The following UBE2R2 variants were observed in gnomAD, a reference collection of about 807,000 sequenced individuals.
UBE2R2 encodes the protein ubiquitin conjugating enzyme E2 R2, also known as ubiquitin-conjugating enzyme E2 R2.
A neutral mutation model predicts 27.8 loss-of-function variants in UBE2R2; 1 was observed. That is an observed-to-expected ratio of 0.04 (90% CI 0.01 to 0.17). UBE2R2 has a LOEUF of 0.17. UBE2R2 is among the 10% of genes least tolerant of loss of function. The pLI, the probability that UBE2R2 is intolerant of heterozygous loss-of-function variation, is 1.00. For synonymous variants in UBE2R2, 106 were observed against 113.3 expected, an observed-to-expected ratio of 0.94 and a Z score of 0.41; for missense variants, 100 against 291.0, an observed-to-expected ratio of 0.34 and a Z score of 4.78.
chr9:33,849,960 A>T (rs1820928864), intron 1 of UBE2R2, among the ~76,000 whole-genome samples: 1 of 152,114 alleles, frequency 6.6e-6, no homozygotes, highest in African/African-American at 2.4e-5. Context: ...GGTTTCAGTG[A>T]TTAGTTTACA....
At chr9:33,839,997 TA>T (rs58097090) in intron 1 of UBE2R2, among the ~76,000 whole-genome samples, 18,098 of 147,844 alleles carry the variant, frequency 0.12, 1,159 homozygotes, top group Non-Finnish European at 0.12. Context: ...CCCTGACTCT[TA>T]AAAAAAAAAA....
intron 1 of UBE2R2, among the ~76,000 whole-genome samples, chr9:33,822,426 C>CTT (rs11309053): frequency 1.0e-4 from 14 of 133,742 alleles, no homozygotes; most frequent in Admixed American, 2.3e-4. Context: ...TCTTCAAAAC[C>CTT]TTTTTTTTTT....
At position 33,845,958 on chromosome 9, in the gene UBE2R2, G is replaced by A. The variant is rs570318178; in HGVS notation, c.177+28024G>A. Among the ~76,000 whole-genome samples the A allele has an allele frequency of 2.1e-3, 320 of 152,078 alleles. 1 individual carries two copies. The highest frequency in any genetic ancestry group is 3.9e-3 in the African/African-American group (161 of 41,492). Reference sequence around the variant, plus strand: ...GAGATCAAGACCATGGTGAAACCCCGTCTCTACTGAAAATACAAAAAATTA... The same window carrying A: ...GAGATCAAGACCATGGTGAAACCCCATCTCTACTGAAAATACAAAAAATTA... On this transcript the variant is annotated intron_variant, in intron 1 of 4. Transcript: ENST00000263228.
At chr9:33,884,887 C>T (rs539543139) in intron 1 of UBE2R2, among the ~76,000 whole-genome samples, 2 of 152,048 alleles carry the variant, frequency 1.3e-5, no homozygotes, top group Non-Finnish European at 2.9e-5. Flanking sequence ...CTCCTCTTCC[C>T]CAGGGTTTTT....
In UBE2R2 at chr9:33,917,430, C is replaced by A. The variant is rs1035887471; in HGVS notation, c.*193C>A. ...GGACCTTTAATGGAGAGAGAGTAAC[C>A]CTCCACAGAATGTCTGAATTCTTGC... On this transcript the variant is annotated 3_prime_UTR_variant, in exon 5 of 5. Transcript: ENST00000263228. The A allele has an allele frequency of 9.5e-6, 7 of 735,566 alleles. No homozygotes were observed. The highest frequency in any genetic ancestry group is 1.3e-5 in the Non-Finnish European group (6 of 464,360). The allele number at this position is 735,566 out of a possible 1,614,324, so 45.6% of individuals were successfully genotyped here.
intron 1 of UBE2R2, among the ~76,000 whole-genome samples, chr9:33,825,315 C>T (rs903382169): frequency 1.4e-4 from 20 of 146,704 alleles, no homozygotes; most frequent in African/African-American, 4.6e-4. Flanking sequence ...AATCTTGGCT[C>T]ACTGCAGCCT....
At chr9:33,841,213 G>A (rs1220968107) in intron 1 of UBE2R2, among the ~76,000 whole-genome samples, 2 of 152,086 alleles carry the variant, frequency 1.3e-5, no homozygotes, top group East Asian at 1.9e-4. Context: ...CCGAGTAGCT[G>A]GGATTACAGG....
chr9:33,838,729 C>T (rs1156293363), intron 1 of UBE2R2, among the ~76,000 whole-genome samples: 2 of 151,954 alleles, frequency 1.3e-5, no homozygotes, highest in African/African-American at 4.8e-5. Context: ...TGTCCTTTGC[C>T]CTATTGATGG....
intron 1 of UBE2R2, among the ~76,000 whole-genome samples, chr9:33,821,136 T>C (rs1438644510): frequency 6.6e-6 from 1 of 152,228 alleles, no homozygotes; most frequent in Non-Finnish European, 1.5e-5. Context: ...ATGAAGACTT[T>C]TAACAAGTTC....
At chr9:33,880,695 A>G (rs1228672953) in intron 1 of UBE2R2, among the ~76,000 whole-genome samples, 1 of 152,028 alleles carries the variant, frequency 6.6e-6, no homozygotes, top group Non-Finnish European at 1.5e-5. Flanking sequence ...ATCTGGTACA[A>G]CTCTGTGGCC....
chr9:33,879,300 A>G (rs1289640935), intron 1 of UBE2R2, among the ~76,000 whole-genome samples: 3 of 152,192 alleles, frequency 2.0e-5, no homozygotes, highest in African/African-American at 7.2e-5. Context: ...GCTGAGTTGT[A>G]GAGTCAGGAT....
chr9:33,864,138 T>G (rs1821308283), intron 1 of UBE2R2, among the ~76,000 whole-genome samples: 1 of 152,162 alleles, frequency 6.6e-6, no homozygotes. Context: ...GATTACTAAT[T>G]TTATCTGCTG....
At chr9:33,883,585 A>G (rs1821780318) in intron 1 of UBE2R2, among the ~76,000 whole-genome samples, 1 of 151,834 alleles carries the variant, frequency 6.6e-6, no homozygotes, top group Non-Finnish European at 1.5e-5. Context: ...GTGTGGTGGC[A>G]TGCCCCTGTA....
At position 33,858,856 on chromosome 9, in the gene UBE2R2, ACT is replaced by A. The variant is rs1362478391; in HGVS notation, c.178-28022_178-28021del. 2.0e-5 allele frequency among the ~76,000 whole-genome samples: 3 copies of A among 151,658 alleles called. No individual in the cohort carries two copies. The East Asian group carries it at 5.8e-4, about 29-fold the overall frequency. On this transcript the variant is annotated intron_variant, in intron 1 of 4. Coordinates refer to ENST00000263228, the MANE Select transcript of UBE2R2 (RefSeq NM_017811.4). ...TTTGTTTTGTTTGAGATGGAGCCTC[ACT>A]CTGTTGCCCAGGGTGGAGTGCAGTG... is the stretch of plus-strand genomic sequence containing the variant.
chr9:33,831,487 G>A (rs939161126), intron 1 of UBE2R2, among the ~76,000 whole-genome samples: 1 of 152,006 alleles, frequency 6.6e-6, no homozygotes, highest in African/African-American at 2.4e-5. Context: ...CGCCATCTCG[G>A]CTCACTGCAA....
chr9:33,848,225 TA>T (rs1820887883), intron 1 of UBE2R2, among the ~76,000 whole-genome samples: 1 of 152,192 alleles, frequency 6.6e-6, no homozygotes, highest in South Asian at 2.1e-4. Flanking sequence ...TTTTTTCTTC[TA>T]TTTTCTTTTA....
chr9:33,822,219 G>C (rs1379468942), intron 1 of UBE2R2, among the ~76,000 whole-genome samples: 1 of 151,616 alleles, frequency 6.6e-6, no homozygotes, highest in Admixed American at 6.6e-5. Context: ...AGCCTCCTGA[G>C]TAGCTGGGAT....
chr9:33,873,543 G>A (rs1226150134), intron 1 of UBE2R2, among the ~76,000 whole-genome samples: 1 of 152,148 alleles, frequency 6.6e-6, no homozygotes, highest in Non-Finnish European at 1.5e-5. Flanking sequence ...CTAAACATAA[G>A]ACTCCCTAAG....
Position 33,862,815 on chromosome 9 carries a change from A to T in UBE2R2, c.178-24066A>T, listed in dbSNP as rs1481268124. 4.6e-5 allele frequency among the ~76,000 whole-genome samples: 7 copies of T among 152,230 alleles called. No homozygotes were observed. The South Asian group carries it at 8.3e-4, about 18-fold the overall frequency. ...TTGTGGTTTTGCCTTTAACATATAA[A>T]CAGTATGTTTTGTTATATAGAATTG... is the stretch of plus-strand genomic sequence containing the variant. On this transcript the variant is annotated intron_variant, in intron 1 of 4. Coordinates refer to ENST00000263228, the MANE Select transcript of UBE2R2 (RefSeq NM_017811.4).
Sources: allele counts gnomAD v4.1 joint callset (sites outside exome capture counted in the v4.1 genomes callset), GRCh38; gene constraint gnomAD v4.1.1; transcripts MANE v1.5; gene names NCBI Gene and HGNC (gene_info 2026-07-23, HGNC 2026-07-21).